Variants in CTNNA3 observed in about 807,000 individuals in gnomAD.
The protein encoded by CTNNA3 is catenin alpha 3, also known as catenin alpha-3.
In CTNNA3, 76 loss-of-function variants were observed where a neutral mutation model predicts 95.7. That is an observed-to-expected ratio of 0.79 (90% CI 0.66 to 0.96). CTNNA3 has a LOEUF of 0.96. Ranked by LOEUF, CTNNA3 falls within the 40% of genes least tolerant of loss-of-function variation. CTNNA3 has a pLI of 0.00. For missense variants in CTNNA3, 1,191 were observed against 1,089.8 expected (o/e 1.09, Z -1.31); for synonymous variants, 431 against 374.4 (o/e 1.15, Z -1.74).
At chr10:67,696,219 T>C (rs2133598064), upstream of CTNNA3, 1 of 152,240 alleles carries the variant, frequency 6.6e-6, no homozygotes, top group South Asian at 2.1e-4. Context: ...GGGTGGGTGG[T>C]ATCTAATCCT....
chr10:66,405,681 T>C (rs1339376630), intron 11 of CTNNA3, among the ~76,000 whole-genome samples: 1 of 152,224 alleles, frequency 6.6e-6, no homozygotes, highest in African/African-American at 2.4e-5. Flanking sequence ...TCCTATTCTT[T>C]TGCTGCATAT....
chr10:67,630,950 T>C (rs1839125709), intron 2 of CTNNA3, among the ~76,000 whole-genome samples: 7 of 152,206 alleles, frequency 4.6e-5, no homozygotes, highest in South Asian at 4.1e-4. Flanking sequence ...AATAAGATTA[T>C]AGACAGTTTC....
At chr10:67,147,945 A>G (rs529609961) in intron 7 of CTNNA3, among the ~76,000 whole-genome samples, 7 of 152,320 alleles carry the variant, frequency 4.6e-5, no homozygotes, top group Admixed American at 1.3e-4. Flanking sequence ...TGTTTCTTCA[A>G]TAACTTCAGA....
chr10:67,751,160 CA>C, intron 1 of CTNNA3: 1 of 1,292,438 alleles, frequency 7.7e-7, no homozygotes, highest in South Asian at 1.2e-5. Context: ...TCAGCTTCAA[CA>C]GAAACTGGAG....
intron 11 of CTNNA3, among the ~76,000 whole-genome samples, chr10:66,401,480 G>A (rs2093020105): frequency 6.7e-6 from 1 of 150,068 alleles, no homozygotes; most frequent in Non-Finnish European, 1.5e-5. Flanking sequence ...TCGTGCCACT[G>A]CACTTCAGCC....
At chr10:66,863,426 G>A (rs1844033714) in intron 7 of CTNNA3, among the ~76,000 whole-genome samples, 1 of 151,944 alleles carries the variant, frequency 6.6e-6, no homozygotes, top group African/African-American at 2.4e-5. Context: ...CAATAATCCA[G>A]GCAAGAGACA....
intron 12 of CTNNA3, among the ~76,000 whole-genome samples, chr10:66,345,426 T>C (rs2092499303): frequency 6.6e-6 from 1 of 152,136 alleles, no homozygotes; most frequent in Non-Finnish European, 1.5e-5. Flanking sequence ...GCAGTGTGAA[T>C]GGCTGATGGA....
intron 12 of CTNNA3, among the ~76,000 whole-genome samples, chr10:66,328,748 G>A (rs928790492): frequency 2.7e-5 from 4 of 150,930 alleles, no homozygotes; most frequent in African/African-American, 9.7e-5. Flanking sequence ...ACTAAATCTG[G>A]TCGTATAATT....
chr10:67,290,020 G>A (rs1839772814), intron 5 of CTNNA3, among the ~76,000 whole-genome samples: 1 of 151,206 alleles, frequency 6.6e-6, no homozygotes, highest in South Asian at 2.1e-4. Context: ...TGCCCAAACT[G>A]GCCTCAAATT....
At chr10:67,703,512 CA>C (rs1224608999) in intron 1 of CTNNA3, among the ~76,000 whole-genome samples, 1 of 152,060 alleles carries the variant, frequency 6.6e-6, no homozygotes, top group Non-Finnish European at 1.5e-5. Flanking sequence ...TAAACAGAAC[CA>C]AAGACAAAAA....
At chr10:65,921,329 C>A (rs1195893670) in intron 17 of CTNNA3, among the ~76,000 whole-genome samples, 1 of 152,166 alleles carries the variant, frequency 6.6e-6, no homozygotes, top group South Asian at 2.1e-4. Context: ...CACTAAATAC[C>A]TATAAATCCT....
intron 17 of CTNNA3, among the ~76,000 whole-genome samples, chr10:65,946,868 GTAGT>G (rs1355865542): frequency 2.2e-4 from 34 of 152,012 alleles, no homozygotes; most frequent in African/African-American, 7.7e-4. Context: ...GAATTTCTAG[GTAGT>G]TAAAGTTCTA....
intron 7 of CTNNA3, among the ~76,000 whole-genome samples, chr10:66,941,715 T>G (rs1848005902): frequency 6.6e-6 from 1 of 152,178 alleles, no homozygotes; most frequent in African/African-American, 2.4e-5. Context: ...GCACTGCCCG[T>G]GCCAGCCAGA....
chr10:66,842,253 T>C (rs1263519976), intron 7 of CTNNA3, among the ~76,000 whole-genome samples: 3 of 151,166 alleles, frequency 2.0e-5, no homozygotes, highest in African/African-American at 7.3e-5. Flanking sequence ...GCTACTTTCT[T>C]AATCTACACA....
At chr10:66,903,583 A>G (rs1265066562) in intron 7 of CTNNA3, among the ~76,000 whole-genome samples, 1 of 152,216 alleles carries the variant, frequency 6.6e-6, no homozygotes, top group East Asian at 1.9e-4. Flanking sequence ...AGAGGAAGTC[A>G]AATTGTCCCT....
intron 13 of CTNNA3, among the ~76,000 whole-genome samples, chr10:66,249,369 C>T (rs1443986944): frequency 6.6e-6 from 1 of 152,024 alleles, no homozygotes; most frequent in East Asian, 1.9e-4. Context: ...TTGCAAACTA[C>T]CCCCCTGAGA....
At chr10:67,133,328 T>TATATATATATATATTTATAC (rs145659453) in intron 7 of CTNNA3, among the ~76,000 whole-genome samples, 2 of 105,326 alleles carry the variant, frequency 1.9e-5, no homozygotes, top group Non-Finnish European at 3.9e-5. Flanking sequence ...TATATATTTA[T>TATATATATATATATTTATAC]ACACACACAC....
At chr10:66,375,582 G>T (rs1412190032) in intron 12 of CTNNA3, among the ~76,000 whole-genome samples, 1 of 132,334 alleles carries the variant, frequency 7.6e-6, no homozygotes, top group Admixed American at 7.8e-5. Context: ...GGACAGAGCT[G>T]CAATGCCAAA....
chr10:66,206,361 G>A (rs1564764358), intron 13 of CTNNA3, among the ~76,000 whole-genome samples: 1 of 151,930 alleles, frequency 6.6e-6, no homozygotes, highest in Non-Finnish European at 1.5e-5. Flanking sequence ...ATCTTGTAGA[G>A]ATCATGTATA....
Sources: allele counts gnomAD v4.1 joint callset (sites outside exome capture counted in the v4.1 genomes callset), GRCh38; gene constraint gnomAD v4.1.1; transcripts MANE v1.5; gene names NCBI Gene and HGNC (gene_info 2026-07-23, HGNC 2026-07-21).